The following COX10 variants were observed in gnomAD, a reference collection of about 807,000 sequenced individuals.
The protein encoded by COX10 is cytochrome c oxidase assembly factor heme A:farnesyltransferase COX10.
COX10 carries 27 observed loss-of-function variants against 37.3 expected under a neutral mutation model. That is an observed-to-expected ratio of 0.72 (90% CI 0.53 to 1.00). The LOEUF (loss-of-function observed/expected upper bound fraction) is 1.00, where lower values mean the gene tolerates loss of function less well. Among genes scored for constraint, COX10 ranks in the 50% least tolerant of loss-of-function variants. COX10 has a pLI of 0.00. For missense variants in COX10, 475 were observed against 563.2 expected (o/e 0.84, Z 1.59); for synonymous variants, 222 against 229.1 (o/e 0.97, Z 0.28).
At chr17:14,095,904 C>T (rs923990106) in intron 3 of COX10, among the ~76,000 whole-genome samples, 1 of 152,166 alleles carries the variant, frequency 6.6e-6, no homozygotes, top group Non-Finnish European at 1.5e-5. Context: ...TTGCTTTCTT[C>T]TCACCCAGTC....
intron 5 of COX10, among the ~76,000 whole-genome samples, chr17:14,165,000 TC>T (rs1415342899): frequency 1.3e-5 from 2 of 152,330 alleles, no homozygotes. Flanking sequence ...ACGTCCTCTT[TC>T]CCTTTCAACA....
At chr17:14,092,910 A>G (rs182054961) in intron 3 of COX10, among the ~76,000 whole-genome samples, 17 of 152,310 alleles carry the variant, frequency 1.1e-4, no homozygotes, top group African/African-American at 3.4e-4. Flanking sequence ...AAGTTATACA[A>G]TTTTGAACTT....
intron 5 of COX10, among the ~76,000 whole-genome samples, chr17:14,178,519 T>C (rs1158239853): frequency 6.9e-6 from 1 of 145,902 alleles, no homozygotes; most frequent in African/African-American, 2.4e-5. Context: ...CAGGTTGTCC[T>C]TCTGTCTTAG....
chr17:14,188,617 A>G (rs1341122964), intron 5 of COX10, among the ~76,000 whole-genome samples: 1 of 151,878 alleles, frequency 6.6e-6, no homozygotes, highest in Non-Finnish European at 1.5e-5. Context: ...TCTTTTTTAC[A>G]TTATTAACTG....
At chr17:14,079,158 A>C (rs889989843) in intron 3 of COX10, among the ~76,000 whole-genome samples, 5 of 152,360 alleles carry the variant, frequency 3.3e-5, no homozygotes, top group Non-Finnish European at 5.9e-5. Flanking sequence ...GAATAATAAT[A>C]GATCATTTAA....
chr17:14,193,200 G>T (rs1186302258), intron 6 of COX10, among the ~76,000 whole-genome samples: 1 of 152,344 alleles, frequency 6.6e-6, no homozygotes, highest in African/African-American at 2.4e-5. Context: ...TGGTGAGCAA[G>T]GAAGCCGGCG....
At chr17:14,166,448 AC>A (rs1326724951) in intron 5 of COX10, among the ~76,000 whole-genome samples, 3 of 152,152 alleles carry the variant, frequency 2.0e-5, no homozygotes, top group Non-Finnish European at 2.9e-5. Context: ...ATATTTTGAA[AC>A]CTGTTGCTCA....
chr17:14,143,684 C>G (rs1218894893), intron 4 of COX10, among the ~76,000 whole-genome samples: 1 of 152,148 alleles, frequency 6.6e-6, no homozygotes, highest in Non-Finnish European at 1.5e-5. Flanking sequence ...GTAAATCTTT[C>G]AGGGTGTTAT....
intron 1 of COX10, among the ~76,000 whole-genome samples, chr17:14,071,839 G>T (rs1454781164): frequency 6.6e-6 from 1 of 151,858 alleles, no homozygotes; most frequent in East Asian, 1.9e-4. Flanking sequence ...GGCAGAGGTT[G>T]TAGTGAGCCA....
At chr17:14,197,546 C>G (rs1906402731) in intron 6 of COX10, among the ~76,000 whole-genome samples, 1 of 152,206 alleles carries the variant, frequency 6.6e-6, no homozygotes, top group African/African-American at 2.4e-5. Flanking sequence ...CTGACCGGCC[C>G]ACTTCGGGAA....
intron 3 of COX10, among the ~76,000 whole-genome samples, chr17:14,101,084 A>T (rs1322312959): frequency 6.6e-6 from 1 of 152,176 alleles, no homozygotes; most frequent in Non-Finnish European, 1.5e-5. Flanking sequence ...TGGCAGTGTG[A>T]TGGGTTTGAA....
chr17:14,131,244 A>G (rs1428251633), intron 4 of COX10, among the ~76,000 whole-genome samples: 1 of 152,142 alleles, frequency 6.6e-6, no homozygotes, highest in East Asian at 1.9e-4. Flanking sequence ...GAAAAGCCAA[A>G]AGGAGATTGT....
chr17:14,117,565 A>G (rs544010774), intron 4 of COX10, among the ~76,000 whole-genome samples: 3 of 152,158 alleles, frequency 2.0e-5, no homozygotes, highest in Non-Finnish European at 4.4e-5. Flanking sequence ...GGCGTGTGAC[A>G]GGGGTGTGGC....
At chr17:14,178,533 A>G (rs1343240301) in intron 5 of COX10, among the ~76,000 whole-genome samples, 18 of 145,540 alleles carry the variant, frequency 1.2e-4, no homozygotes, top group African/African-American at 4.4e-4. Flanking sequence ...GTCTTAGACA[A>G]AAATCTATTA....
At chr17:14,157,097 G>A in intron 4 of COX10, among the ~76,000 whole-genome samples, 1 of 152,140 alleles carries the variant, frequency 6.6e-6, no homozygotes, top group Non-Finnish European at 1.5e-5. Context: ...ATTTTCACAT[G>A]CCACAAATAA....
chr17:14,206,890 T>C lies in COX10; in HGVS notation c.1009T>C (p.Tyr337His). Residue 337 changes from tyrosine (Y) to histidine (H), a missense_variant, in exon 7 of 7, where the codon TAC becomes CAC. Physicochemically the swap from Tyr to His is moderately conservative, Grantham distance 83. Around this residue, in one of 5 missense-constraint regions of COX10, gnomAD observed 160 missense variants for 180.6 expected, o/e 0.89. Coordinates refer to ENST00000261643, the MANE Select transcript of COX10 (RefSeq NM_001303.4). ...NALSWGLRED[Y>H]SRGGYCMMSV... ...CCTGAGCTGGGGCCTCCGTGAAGAC[T>C]ACTCCCGGGGCGGCTACTGCATGAT... 6.2e-7 allele frequency: 1 copy of C among 1,614,046 alleles called. No individual in the cohort carries two copies. The highest frequency in any genetic ancestry group is 1.1e-5 in the South Asian group (1 of 91,084).
intron 5 of COX10, 44 bp downstream of exon 5, chr17:14,159,991 A>G (rs1905139482): frequency 1.3e-6 from 2 of 1,531,156 alleles, no homozygotes; most frequent in Non-Finnish European, 1.8e-6. Context: ...TAAAACATTC[A>G]TTTGCTTGTT....
At chr17:14,076,111 CTTTTTT>C (rs376434284) in intron 2 of COX10, among the ~76,000 whole-genome samples, 1 of 103,254 alleles carries the variant, frequency 9.7e-6, no homozygotes, top group Admixed American at 1.3e-4. Context: ...TCTTTTTTGT[CTTTTTT>C]TTTTTTTTTT....
chr17:14,074,605 G>A, intron 2 of COX10, 149 bp downstream of exon 2: 1 of 814,194 alleles, frequency 1.2e-6, no homozygotes, highest in South Asian at 1.5e-5. Flanking sequence ...CAAATGTCTT[G>A]TTTTGATTAT....
Sources: allele counts gnomAD v4.1 joint callset (sites outside exome capture counted in the v4.1 genomes callset), GRCh38; gene constraint gnomAD v4.1.1; regional missense constraint gnomAD v4.1.1; transcripts MANE v1.5; gene names NCBI Gene and HGNC (gene_info 2026-07-23, HGNC 2026-07-21).